The following HYCC1 variants were observed in gnomAD, a reference collection of about 807,000 sequenced individuals.
The protein encoded by HYCC1 is hyccin.
At chr7:22,909,003 C>G in the HYCC1 span, among the ~76,000 whole-genome samples, 1 of 152,282 alleles carries the variant, frequency 6.6e-6, no homozygotes, top group East Asian at 1.9e-4. Flanking sequence ...TGGACTGTCT[C>G]CCATTATTGC....
At chr7:22,996,073 T>A in the HYCC1 span, among the ~76,000 whole-genome samples, 1 of 151,982 alleles carries the variant, frequency 6.6e-6, no homozygotes, top group East Asian at 1.9e-4. Flanking sequence ...GGCAGGAGGA[T>A]CACTTGAGGT....
At chr7:22,980,645 T>A in the HYCC1 span, among the ~76,000 whole-genome samples, 1 of 152,108 alleles carries the variant, frequency 6.6e-6, no homozygotes, top group Non-Finnish European at 1.5e-5. Context: ...CTTGCAAAAT[T>A]TTTTGTATTG....
the HYCC1 span, among the ~76,000 whole-genome samples, chr7:22,908,729 T>C: frequency 6.6e-6 from 1 of 152,208 alleles, no homozygotes; most frequent in South Asian, 2.1e-4. Flanking sequence ...TCTCAGCTCC[T>C]AAAAGGTCAT....
chr7:22,949,172 C>A, the HYCC1 span, among the ~76,000 whole-genome samples: 1 of 152,034 alleles, frequency 6.6e-6, no homozygotes, highest in Non-Finnish European at 1.5e-5. Flanking sequence ...ACAATACTTA[C>A]AATGAATTGC....
the HYCC1 span, among the ~76,000 whole-genome samples, chr7:23,009,277 T>C: frequency 1.3e-5 from 2 of 152,124 alleles, no homozygotes; most frequent in Non-Finnish European, 2.9e-5. Context: ...GATTATTATA[T>C]TAGTAATTAA....
the HYCC1 span, among the ~76,000 whole-genome samples, chr7:22,955,582 G>T: frequency 6.6e-6 from 1 of 151,638 alleles, no homozygotes; most frequent in South Asian, 2.1e-4. Flanking sequence ...TATTTTGAAA[G>T]AAAGGAGGAA....
the HYCC1 span, among the ~76,000 whole-genome samples, chr7:22,958,288 A>T: frequency 6.6e-6 from 1 of 152,144 alleles, no homozygotes; most frequent in Admixed American, 6.5e-5. Context: ...GTAGAGGCAA[A>T]TAAGAAGGAC....
the HYCC1 span, among the ~76,000 whole-genome samples, chr7:22,980,497 A>G: frequency 6.6e-6 from 1 of 152,144 alleles, no homozygotes; most frequent in Non-Finnish European, 1.5e-5. Flanking sequence ...CATAAGTAAC[A>G]AGTCTGTATC....
the HYCC1 span, chr7:22,977,377 C>T: frequency 8.8e-6 from 14 of 1,599,056 alleles, no homozygotes; most frequent in African/African-American, 2.7e-5. Context: ...AAGATGGAAT[C>T]GTAAAACTCA....
At chr7:22,944,677 T>C in the HYCC1 span, 1 of 152,162 alleles carries the variant, frequency 6.6e-6, no homozygotes. Flanking sequence ...AGAGCTATGT[T>C]GCAAGATTTA....
At chr7:23,008,205 G>A in the HYCC1 span, among the ~76,000 whole-genome samples, 2 of 152,014 alleles carry the variant, frequency 1.3e-5, no homozygotes, top group Non-Finnish European at 2.9e-5. Context: ...TGACCAGTTA[G>A]AAAACAGTAT....
the HYCC1 span, among the ~76,000 whole-genome samples, chr7:22,930,387 GAAAAAGAAAAAAA>G: frequency 3.0e-5 from 3 of 98,788 alleles, no homozygotes; most frequent in Non-Finnish European, 6.5e-5. Context: ...AAAAGAAAAA[GAAAAAGAAAAAAA>G]AAAAAGAAAA....
chr7:22,923,594 A>G, the HYCC1 span, among the ~76,000 whole-genome samples: 4 of 152,108 alleles, frequency 2.6e-5, no homozygotes, highest in Non-Finnish European at 5.9e-5. Flanking sequence ...ATGAGAGAAA[A>G]TAAACAAAAA....
At chr7:22,947,315 A>C in the HYCC1 span, 1 of 1,323,672 alleles carries the variant, frequency 7.6e-7, no homozygotes, top group African/African-American at 1.5e-5. Flanking sequence ...TGAGAAAAGC[A>C]AAAGACTCAA....
chr7:22,983,777 G>A, the HYCC1 span: 10 of 582,648 alleles, frequency 1.7e-5, no homozygotes, highest in East Asian at 2.9e-5. Context: ...TCTGGAATAC[G>A]GTAATAAATT....
chr7:23,008,083 A>G, the HYCC1 span, among the ~76,000 whole-genome samples: 1 of 152,130 alleles, frequency 6.6e-6, no homozygotes, highest in Non-Finnish European at 1.5e-5. Flanking sequence ...AGAAAAAGAA[A>G]TAAGGATTAA....
the HYCC1 span, among the ~76,000 whole-genome samples, chr7:22,982,786 G>C: frequency 2.0e-5 from 3 of 152,022 alleles, no homozygotes; most frequent in Non-Finnish European, 2.9e-5. Flanking sequence ...TGCAAAAAAA[G>C]TCTAAACTGC....
At chr7:22,984,484 C>T in the HYCC1 span, among the ~76,000 whole-genome samples, 7 of 152,098 alleles carry the variant, frequency 4.6e-5, no homozygotes, top group African/African-American at 1.7e-4. Flanking sequence ...CTTTGGGAGG[C>T]TGAAGCAGGA....
chr7:22,981,214 A>C, the HYCC1 span, among the ~76,000 whole-genome samples: 1 of 152,330 alleles, frequency 6.6e-6, no homozygotes, highest in East Asian at 1.9e-4. Context: ...AATTTAGTCT[A>C]TTTTGTTCTC....
Sources: allele counts gnomAD v4.1 joint callset (sites outside exome capture counted in the v4.1 genomes callset), GRCh38; gene constraint gnomAD v4.1.1; transcripts MANE v1.5; gene names NCBI Gene and HGNC (gene_info 2026-07-23, HGNC 2026-07-21).